The following DNA2 variants were observed in gnomAD, a reference collection of about 807,000 sequenced individuals.
DNA2 encodes the protein DNA replication helicase/nuclease 2.
Under a neutral mutation model 119.1 loss-of-function variants are expected in DNA2, and 101 were observed. That is an observed-to-expected ratio of 0.85 (90% confidence interval 0.72 to 1.00). The LOEUF (loss-of-function observed/expected upper bound fraction) is 1.00, where lower values mean the gene tolerates loss of function less well. Among genes scored for constraint, DNA2 ranks in the 50% least tolerant of loss-of-function variants. DNA2 has a pLI of 0.00. For missense variants in DNA2, 1,121 were observed against 1,255.5 expected (o/e 0.89, Z 1.62); for synonymous variants, 366 against 424.4 (o/e 0.86, Z 1.69).
intron 18 of DNA2, chr10:68,419,472 C>CAA: frequency 2.1e-6 from 1 of 482,092 alleles, no homozygotes; most frequent in Non-Finnish European, 3.7e-6. Context: ...AAACAGTGCA[C>CAA]ACACACACAC....
In DNA2 at chr10:68,446,316, G is replaced by A. The variant is rs993656120; in HGVS notation, c.1037C>T (p.Ala346Val). 3.8e-6 allele frequency: 6 copies of A among 1,586,736 alleles called. No homozygotes were observed. The Admixed American group carries it at 9.0e-5, about 24-fold the overall frequency. The change falls in exon 7 of 21, where the codon GCC becomes GTC. Residue 346 changes from alanine (A) to valine (V), a missense_variant. By Grantham distance (64) the Ala-to-Val change is moderately conservative (BLOSUM62 0). Transcript: ENST00000358410. Reference sequence around the variant, plus strand: ...TCAACCTCTTTTATCTAGATGGTTGGCAGGCACAGGGTACATCTGACCAGT... The same window carrying A: ...TCAACCTCTTTTATCTAGATGGTTGACAGGCACAGGGTACATCTGACCAGT... ...LKTGQMYPVPANHLDKRELLK... is the reference protein window; with the variant it reads ...LKTGQMYPVPVNHLDKRELLK...
intron 20 of DNA2, 98 bp from the exon 21 acceptor site, chr10:68,415,205 CAA>C (rs72035454): frequency 1.2e-4 from 61 of 509,964 alleles, no homozygotes; most frequent in South Asian, 4.4e-4. Flanking sequence ...TACAGGACCA[CAA>C]AAAAAAAATA....
intron 5 of DNA2, among the ~76,000 whole-genome samples, chr10:68,456,996 T>C (rs1417704925): frequency 6.6e-6 from 1 of 151,782 alleles, no homozygotes; most frequent in East Asian, 2.0e-4. Flanking sequence ...TAGCCAGGCA[T>C]GGTGGCAGGC....
intron 10 of DNA2, among the ~76,000 whole-genome samples, chr10:68,433,239 C>G (rs2051844800): frequency 6.6e-6 from 1 of 152,138 alleles, no homozygotes; most frequent in East Asian, 1.9e-4. Context: ...CCTTCCCTCT[C>G]CCTCATCCTC....
intron 5 of DNA2, among the ~76,000 whole-genome samples, chr10:68,454,464 A>C (rs1016494794): frequency 1.3e-5 from 2 of 152,142 alleles, no homozygotes; most frequent in African/African-American, 4.8e-5. Flanking sequence ...AAGTAAAAGA[A>C]AAGCTTATGT....
chr10:68,442,927 C>G lies in DNA2; in HGVS notation c.1405G>C (p.Ala469Pro). The stretch of plus-strand genomic sequence containing the variant: ...AAATGGACCACTTACATTTCCGAAG[C>G]AGGCATTAGCCAGATATTTTGGTGA... ...KNHQNIWLMP[A>P]SEMEKSGSCI... Residue 469 changes from alanine to proline, a missense_variant, in exon 9 of 21, where the codon GCT becomes CCT. Ala to Pro is a conservative substitution (Grantham distance 27). Coordinates refer to ENST00000358410, the MANE Select transcript of DNA2 (RefSeq NM_001080449.3). The G allele has an allele frequency of 6.2e-7, 1 of 1,609,694 alleles. No homozygotes were observed. Among genetic ancestry groups the G allele is most frequent in the Non-Finnish European group, 8.5e-7 (1 of 1,178,424 alleles).
intron 19 of DNA2, among the ~76,000 whole-genome samples, chr10:68,417,256 G>A (rs2051601484): frequency 6.6e-6 from 1 of 151,398 alleles, no homozygotes; most frequent in South Asian, 2.1e-4. Context: ...AAAAAAAGGA[G>A]ACTATCTGAG....
chr10:68,417,391 C>CAAAAAAAAA (rs35777569), intron 19 of DNA2, among the ~76,000 whole-genome samples: 7 of 77,476 alleles, frequency 9.0e-5, no homozygotes, highest in East Asian at 3.9e-4. Context: ...ATAAGAAAAC[C>CAAAAAAAAA]AAAAAAAAAA....
Position 68,419,896 on chromosome 10 carries a change from A to T in DNA2, c.2698-4T>A. ...CAACTTGTTCTGGCGCTGGAACCTA[A>T]GTGGAAAAATATACAGCCTGCTGAT... On this transcript the variant is annotated splice_polypyrimidine_tract_variant and splice_region_variant and intron_variant, in intron 17 of 20. Coordinates refer to ENST00000358410, the MANE Select transcript of DNA2 (RefSeq NM_001080449.3). 6.2e-7 allele frequency: 1 copy of T among 1,613,296 alleles called. No individual in the cohort carries two copies. The highest frequency in any genetic ancestry group is 8.5e-7 in the Non-Finnish European group (1 of 1,179,298).
intron 5 of DNA2, among the ~76,000 whole-genome samples, chr10:68,452,904 AT>A (rs879332891): frequency 1.2e-3 from 162 of 139,570 alleles, no homozygotes; most frequent in Middle Eastern, 7.7e-3. Flanking sequence ...TATTACCACA[AT>A]TTTTTTTTTT....
At chr10:68,468,333 A>G in intron 2 of DNA2, 27 bp from the exon 3 acceptor site, 1 of 1,473,874 alleles carries the variant, frequency 6.8e-7, no homozygotes, top group Non-Finnish European at 9.0e-7. Flanking sequence ...GTTAAAGTAT[A>G]AATACATAGC....
rs983210057 is a variant in DNA2 at position 68,422,508 on chromosome 10, C to A, written c.2492+7G>T. 6.2e-7 allele frequency: 1 copy of A among 1,613,734 alleles called. No homozygotes were observed. The highest frequency in any genetic ancestry group is 1.3e-5 in the African/African-American group (1 of 75,054). On this transcript the variant is annotated splice_region_variant and intron_variant, in intron 16 of 20. Coordinates refer to ENST00000358410, the MANE Select transcript of DNA2 (RefSeq NM_001080449.3). ...AAACCACTCCTAGCTAACACTGTTA[C>A]AAATACCTGTTCATTCTGTACTGCA...
intron 9 of DNA2, among the ~76,000 whole-genome samples, chr10:68,442,220 ATT>A (rs79776225): frequency 8.5e-5 from 12 of 141,188 alleles, no homozygotes; most frequent in Admixed American, 2.2e-4. Flanking sequence ...GACAAAAGTA[ATT>A]TTTTTTTTTT....
rs781214228 is a variant in DNA2, at chr10:68,459,189, C to A, written c.634G>T (p.Asp212Tyr). The A allele has an allele frequency of 6.4e-7, 1 of 1,572,958 alleles. No individual in the cohort carries two copies. Among genetic ancestry groups the A allele is most frequent in the South Asian group, 1.2e-5 (1 of 85,520 alleles). Residue 212 changes from aspartate to tyrosine, a missense_variant, in exon 5 of 21, where the codon GAC becomes TAC. Transcript: ENST00000358410. ...SQDEIKQEVEDYLPSFCKWAG... is the reference protein window; with the variant it reads ...SQDEIKQEVEYYLPSFCKWAG... ...CATTTACAAAACGAAGGAAGATAGT[C>A]CTCTACTTCTTGTTTTATTTCATCT...
chr10:68,432,260 G>C lies in DNA2; in HGVS notation c.1819C>G (p.Leu607Val), dbSNP rs759631285. The change falls in exon 12 of 21, where the codon CTT becomes GTT. Residue 607 changes from leucine (L) to valine (V), a missense_variant. Physicochemically the swap from Leu to Val is conservative, Grantham distance 32. Transcript: ENST00000358410. ...DFREPQFISY[L>V]SSVLPHDAKD... ...GCATCATGTGGAAGAACAGAACTAA[G>C]GTAGGATATAAACTGAGGTTCACGA... 3.1e-6 allele frequency: 5 copies of C among 1,609,726 alleles called. No homozygotes were observed. Among genetic ancestry groups the C allele is most frequent in the Non-Finnish European group, 4.2e-6 (5 of 1,178,822 alleles).
chr10:68,450,249 T>G lies in DNA2; in HGVS notation c.720-2A>C, dbSNP rs1341152186. On this transcript the variant is annotated splice_acceptor_variant, in intron 5 of 20. Coordinates refer to ENST00000358410, the MANE Select transcript of DNA2 (RefSeq NM_001080449.3). LOFTEE classifies it high-confidence loss of function. Reference sequence around the variant, plus strand: ...TTATCCTTACTATTATCACTTGGCCTGAAAAAAAAAAAAGCACAAAAACAC... The same window carrying G: ...TTATCCTTACTATTATCACTTGGCCGGAAAAAAAAAAAAGCACAAAAACAC... The G allele has an allele frequency of 2.0e-6, 3 of 1,524,698 alleles. No homozygotes were observed. Among genetic ancestry groups the G allele is most frequent in the African/African-American group, 1.4e-5 (1 of 70,742 alleles). The allele number at this position is 1,524,698 out of a possible 1,614,324, so 94.4% of individuals were successfully genotyped here.
At position 68,431,961 on chromosome 10, in the gene DNA2, C is replaced by T. The variant is rs1284903457; in HGVS notation, c.1884G>A (p.Lys628=). The change falls in exon 13 of 21, where the codon AAG becomes AAA. Residue 628 remains lysine, a synonymous_variant. Coordinates refer to ENST00000358410, the MANE Select transcript of DNA2 (RefSeq NM_001080449.3). ...CCTTTTTCATCGCTTGCCTCTGAGG[C>T]TTATTCAAACCTACATTTAAATTCA... ...TVACILKGLN[K]PQRQAMKKVL... 6.2e-7 allele frequency: 1 copy of T among 1,607,274 alleles called. No homozygotes were observed. Among genetic ancestry groups the T allele is most frequent in the East Asian group, 2.2e-5 (1 of 44,818 alleles).
At chr10:68,466,815 G>A (rs956196363) in intron 3 of DNA2, among the ~76,000 whole-genome samples, 2 of 152,050 alleles carry the variant, frequency 1.3e-5, no homozygotes, top group Non-Finnish European at 2.9e-5. Context: ...TCCTGACCTC[G>A]TGATCCGCCA....
intron 20 of DNA2, among the ~76,000 whole-genome samples, chr10:68,416,041 G>A (rs930327892): frequency 6.6e-6 from 1 of 152,142 alleles, no homozygotes; most frequent in African/African-American, 2.4e-5. Flanking sequence ...AGCCAAGCGT[G>A]GTGGTACGTA....
Sources: gnomAD v4.1 joint callset for allele counts (sites outside exome capture counted in the v4.1 genomes callset) on GRCh38, gnomAD v4.1.1 for gene constraint, MANE v1.5 for transcripts, NCBI Gene and HGNC (gene_info 2026-07-23, HGNC 2026-07-21) for gene names.